CTDP1: variants seen among roughly 807,000 people sequenced by gnomAD.
CTDP1 encodes RNA polymerase II subunit A C-terminal domain phosphatase.
In CTDP1, 47 loss-of-function variants were observed where a neutral mutation model predicts 91.8. That is an observed-to-expected ratio of 0.51 (90% CI 0.41 to 0.65). The LOEUF (loss-of-function observed/expected upper bound fraction) is 0.65, where lower values mean the gene tolerates loss of function less well. Ranked by LOEUF, CTDP1 falls within the 30% of genes least tolerant of loss-of-function variation. CTDP1 has a pLI of 0.00. For synonymous variants in CTDP1, 656 were observed against 598.5 expected (o/e 1.10, Z -1.40); for missense variants, 1,272 against 1,373.7 (o/e 0.93, Z 1.17).
At chr18:79,681,273 C>T (rs1393730933) in intron 1 of CTDP1, among the ~76,000 whole-genome samples, 1 of 152,194 alleles carries the variant, frequency 6.6e-6, no homozygotes, top group African/African-American at 2.4e-5. Flanking sequence ...CCTTGACCCT[C>T]GGCACGGGCA....
At chr18:79,677,665 G>C (rs563184712), upstream of CTDP1, 1 of 152,440 alleles carries the variant, frequency 6.6e-6, no homozygotes, top group Non-Finnish European at 1.5e-5. Context: ...GAGTTCATGG[G>C]AATTCTTCAT....
chr18:79,707,078 G>A (rs564656403), intron 5 of CTDP1, among the ~76,000 whole-genome samples: 2 of 152,374 alleles, frequency 1.3e-5, no homozygotes, highest in East Asian at 3.9e-4. Context: ...ATCGATGTTT[G>A]CTGGTCAGAG....
chr18:79,694,608 G>T (rs1312371209), intron 1 of CTDP1, among the ~76,000 whole-genome samples: 2 of 150,640 alleles, frequency 1.3e-5, no homozygotes, highest in Non-Finnish European at 3.0e-5. Context: ...GGGGCGGTCG[G>T]AGCAGCCCGG....
intron 10 of CTDP1, among the ~76,000 whole-genome samples, chr18:79,722,689 C>T (rs2086368355): frequency 6.6e-6 from 1 of 151,696 alleles, no homozygotes; most frequent in African/African-American, 2.4e-5. Context: ...CTAAAATGAG[C>T]CTGGGTTCTG....
chr18:79,697,262 T>G (rs2085766591), intron 3 of CTDP1, among the ~76,000 whole-genome samples: 1 of 152,152 alleles, frequency 6.6e-6, no homozygotes, highest in Non-Finnish European at 1.5e-5. Context: ...TGAGGGCCAG[T>G]TACAGTGAGA....
At chr18:79,693,818 T>C (rs566804659) in intron 1 of CTDP1, among the ~76,000 whole-genome samples, 1 of 147,802 alleles carries the variant, frequency 6.8e-6, no homozygotes, top group Non-Finnish European at 1.5e-5. Context: ...CCTCCCATTC[T>C]CCCTGCAGGA....
At chr18:79,702,189 C>CA (rs2085873834) in intron 4 of CTDP1, among the ~76,000 whole-genome samples, 1 of 152,130 alleles carries the variant, frequency 6.6e-6, no homozygotes, top group Admixed American at 6.6e-5. Context: ...ATTGATGGGA[C>CA]AAACTTCATT....
chr18:79,697,172 G>A (rs1482126622), intron 3 of CTDP1, among the ~76,000 whole-genome samples: 1 of 152,248 alleles, frequency 6.6e-6, no homozygotes. Context: ...GCACCTGCCA[G>A]CCCTTCCGTG....
Position 79,692,875 on chromosome 18 carries a change from A to G in CTDP1, c.315-2350A>G, listed in dbSNP as rs371005362. On this transcript the variant is annotated intron_variant, in intron 1 of 12. Coordinates refer to ENST00000613122, the MANE Select transcript of CTDP1 (RefSeq NM_004715.5). ...TGCAAAATGATGTCAGCTGGAGACCAGGGAAGCCTGTTAGAGGGGCTGGGG... is the reference window on the plus strand; with the variant it reads ...TGCAAAATGATGTCAGCTGGAGACCGGGGAAGCCTGTTAGAGGGGCTGGGG... 6.6e-5 allele frequency among the ~76,000 whole-genome samples: 10 copies of G among 152,382 alleles called. No homozygotes were observed. In the East Asian group the frequency reaches 1.3e-3, roughly 21 times the overall value.
chr18:79,733,562 C>T (rs887777907), intron 11 of CTDP1, among the ~76,000 whole-genome samples: 6 of 150,998 alleles, frequency 4.0e-5, no homozygotes, highest in East Asian at 1.9e-4. Flanking sequence ...GCCCCAAAGC[C>T]GGCGTCCGCT....
At chr18:79,738,019 C>T (rs992514390) in intron 12 of CTDP1, among the ~76,000 whole-genome samples, 5 of 143,062 alleles carry the variant, frequency 3.5e-5, no homozygotes, top group African/African-American at 5.9e-5. Context: ...CGCAGGTCCC[C>T]GCCTCCCCCC....
At chr18:79,688,506 C>A (rs1205762067) in intron 1 of CTDP1, among the ~76,000 whole-genome samples, 1 of 152,106 alleles carries the variant, frequency 6.6e-6, no homozygotes, top group Non-Finnish European at 1.5e-5. Context: ...CTCAGGTGAT[C>A]CACCTGCCTC....
chr18:79,680,338 G>T (rs1342397167), intron 1 of CTDP1, 77 bp downstream of exon 1: 7 of 1,168,092 alleles, frequency 6.0e-6, no homozygotes, highest in Non-Finnish European at 7.5e-6. Context: ...GGGCTGCTGC[G>T]TCCGCGGTGG....
At position 79,736,477 on chromosome 18, in the gene CTDP1, A is replaced by G. The variant is rs1052496438; in HGVS notation, c.2703A>G (p.Ala901=). ...CCCGCAGGGAGCGGACGCTCGGGGC[A>G]CCTGCGTCCAGCGAGAGGAGCGCGG... The part of the protein sequence containing the change: ...PGTRRERTLG[A]PASSERSAAG... Residue 901 remains alanine, a synonymous_variant, in exon 12 of 13, where the codon GCA becomes GCG. Coordinates refer to ENST00000613122, the MANE Select transcript of CTDP1 (RefSeq NM_004715.5). 1.4e-5 allele frequency: 21 copies of G among 1,548,352 alleles called. No individual in the cohort carries two copies. The highest frequency in any genetic ancestry group is 1.8e-5 in the Non-Finnish European group (21 of 1,146,650).
At chr18:79,730,765 G>A (rs904768683) in intron 11 of CTDP1, among the ~76,000 whole-genome samples, 5 of 152,198 alleles carry the variant, frequency 3.3e-5, no homozygotes, top group African/African-American at 4.8e-5. Flanking sequence ...GAGCCCCGGC[G>A]CCAAGGACCC....
chr18:79,693,205 G>C (rs911526135), intron 1 of CTDP1, among the ~76,000 whole-genome samples: 1 of 152,214 alleles, frequency 6.6e-6, no homozygotes, highest in East Asian at 1.9e-4. Flanking sequence ...AGCAGGTGTG[G>C]TGACCGGGAG....
chr18:79,737,279 A>C lies in CTDP1; in HGVS notation c.2747+758A>C, dbSNP rs186908316. On this transcript the variant is annotated intron_variant, in intron 12 of 12. Transcript: ENST00000613122. ...CTTGGATGACATTTCTGCCATGCAGAGATGTTACTATTGTGCAGATCTTAC... is the reference window on the plus strand; with the variant it reads ...CTTGGATGACATTTCTGCCATGCAGCGATGTTACTATTGTGCAGATCTTAC... Among the ~76,000 whole-genome samples, 191 of 152,330 alleles carry C rather than the reference A, an allele frequency of 1.3e-3. No individual in the cohort carries two copies. In the Middle Eastern group the frequency reaches 0.014, roughly 11 times the overall value.
chr18:79,743,203 G>A (rs1302829008), intron 12 of CTDP1, among the ~76,000 whole-genome samples: 1 of 152,148 alleles, frequency 6.6e-6, no homozygotes, highest in East Asian at 1.9e-4. Context: ...GCATTGTTGG[G>A]TTTGTAGCAT....
chr18:79,689,986 C>A (rs1395155347), intron 1 of CTDP1, among the ~76,000 whole-genome samples: 1 of 152,150 alleles, frequency 6.6e-6, no homozygotes, highest in Non-Finnish European at 1.5e-5. Context: ...GCTCTCCTGG[C>A]CACAGTCCTG....
Sources: allele counts gnomAD v4.1 joint callset (sites outside exome capture counted in the v4.1 genomes callset), GRCh38; gene constraint gnomAD v4.1.1; transcripts MANE v1.5; gene names NCBI Gene and HGNC (gene_info 2026-07-23, HGNC 2026-07-21).